Variants in LIPF observed in about 807,000 individuals in gnomAD.
LIPF encodes lipase F, gastric type, also known as gastric triacylglycerol lipase.
LIPF carries 25 observed loss-of-function variants against 38.0 expected under a neutral mutation model. The observed-to-expected ratio is 0.66, with a 90% CI of 0.48 to 0.92. The LOEUF (loss-of-function observed/expected upper bound fraction) is 0.92, where lower values mean the gene tolerates loss of function less well. LIPF is among the 40% of genes least tolerant of loss of function. The pLI is 0.00. For missense variants in LIPF, 410 were observed against 469.9 expected (o/e 0.87, Z 1.18); for synonymous variants, 161 against 156.2 (o/e 1.03, Z -0.23).
chr10:88,669,595 C>A, intron 4 of LIPF: 1 of 323,350 alleles, frequency 3.1e-6, no homozygotes, highest in South Asian at 6.3e-5. Flanking sequence ...ATAATTCCCA[C>A]CTACAGATAC....
rs1564959008 is a variant in LIPF, at chr10:88,671,817, G to A, written c.533-12G>A. 1 of 1,605,934 alleles carries A rather than the reference G, an allele frequency of 6.2e-7. No homozygotes were observed. Among genetic ancestry groups the A allele is most frequent in the East Asian group, 2.2e-5 (1 of 44,760 alleles). ...CACACACCTTTTTCACCAGTTCCTT[G>A]TTCTTTTTCAGGTTTTATTGCCTTT... On this transcript the variant is annotated splice_polypyrimidine_tract_variant and intron_variant, in intron 5 of 9. Transcript: ENST00000238983.
chr10:88,677,330 T>A (rs1841704125), intron 9 of LIPF, among the ~76,000 whole-genome samples: 1 of 152,164 alleles, frequency 6.6e-6, no homozygotes, highest in African/African-American at 2.4e-5. Flanking sequence ...ACTCTAATAC[T>A]CATAATCAGA....
rs776709271 is a variant in LIPF, at chr10:88,671,812, T to G, written c.533-17T>G. ...ACACACACACACCTTTTTCACCAGT[T>G]CCTTGTTCTTTTTCAGGTTTTATTG... On this transcript the variant is annotated splice_polypyrimidine_tract_variant and intron_variant, in intron 5 of 9. Transcript: ENST00000238983. 6.2e-7 allele frequency: 1 copy of G among 1,605,278 alleles called. No homozygotes were observed.
rs114486009 is a variant in LIPF at position 88,677,072 on chromosome 10, A to G, written c.960+792A>G. 2.4e-3 allele frequency among the ~76,000 whole-genome samples: 360 copies of G among 152,298 alleles called. 4 individuals are homozygous for G. Among genetic ancestry groups the G allele is most frequent in the African/African-American group, 8.1e-3 (337 of 41,558 alleles). On this transcript the variant is annotated intron_variant, in intron 9 of 9. Coordinates refer to ENST00000238983, the MANE Select transcript of LIPF (RefSeq NM_004190.4). ...CATCCAATTTTTCCATCCAAGTAGT[A>G]GCTGAACAACTCTACTAATTTTCAT...
At chr10:88,678,398 TA>T (rs1314028309) in intron 9 of LIPF, 46 bp from the exon 10 acceptor site, 5 of 1,356,232 alleles carry the variant, frequency 3.7e-6, no homozygotes, top group Non-Finnish European at 3.2e-6. Context: ...GTACTGGGTT[TA>T]AAGTGTGGTT....
chr10:88,676,338 A>G, intron 9 of LIPF, 58 bp downstream of exon 9: 12 of 1,046,154 alleles, frequency 1.1e-5, no homozygotes, highest in Non-Finnish European at 1.7e-5. Flanking sequence ...AACTATTTAA[A>G]TGTTAAAGAA....
rs1460627481 is a variant in LIPF at position 88,674,762 on chromosome 10, A to G, written c.817-824A>G. On this transcript the variant is annotated intron_variant, in intron 7 of 9. Coordinates refer to ENST00000238983, the MANE Select transcript of LIPF (RefSeq NM_004190.4). ...TTTCTACTACTATTCATAGACAACT[A>G]TCTCCCCTCCAAATTGTCACTTTAG... is the stretch of plus-strand genomic sequence containing the variant. Among the ~76,000 whole-genome samples, 5 of 152,312 alleles carry G rather than the reference A, an allele frequency of 3.3e-5. No homozygotes were observed. The East Asian group carries it at 9.7e-4, about 29-fold the overall frequency.
rs1841675082 is a variant in LIPF at position 88,675,633 on chromosome 10, T to C, written c.864T>C (p.Val288=). The change falls in exon 8 of 10, where the codon GTT becomes GTC. Residue 288 remains valine (V), a synonymous_variant. Coordinates refer to ENST00000238983, the MANE Select transcript of LIPF (RefSeq NM_004190.4). ...YLSHNPAGTS[V]QNMFHWTQAV... Reference sequence around the variant, plus strand: ...CACATAATCCAGCAGGAACTTCTGTTCAAAACATGTTCCATTGGACCCAGG... The same window carrying C: ...CACATAATCCAGCAGGAACTTCTGTCCAAAACATGTTCCATTGGACCCAGG... The C allele has an allele frequency of 1.2e-6, 2 of 1,612,528 alleles. No homozygotes were observed. Among genetic ancestry groups the C allele is most frequent in the Admixed American group, 1.7e-5 (1 of 59,992 alleles).
In LIPF at chr10:88,667,683, A is replaced by G. The variant is rs1841534017; in HGVS notation, c.220A>G (p.Thr74Ala). 5 of 1,272,092 alleles carry G rather than the reference A, an allele frequency of 3.9e-6. No homozygotes were observed. Among genetic ancestry groups the G allele is most frequent in the Non-Finnish European group, 5.7e-6 (5 of 871,930 alleles). 78.8% of individuals were successfully genotyped at this position (1,272,092 alleles called of 1,614,324 possible). A position where few individuals can be genotyped will look rare whatever the true frequency, so the allele number is the denominator to read the frequency against. ...IPYGKKNSGN[T>A]GQRPVVFLQH... is the part of the protein sequence containing the mutation. ...TTATGGGAAGAAAAATTCAGGGAAT[A>G]CAGGTATATATAAGCTTCTTTTCTT... Residue 74 changes from threonine (T) to alanine (A), a missense_variant, in exon 3 of 10, where the codon ACA (threonine) becomes GCA (alanine). Transcript: ENST00000238983.
At chr10:88,670,965 A>G (rs969454644) in intron 5 of LIPF, among the ~76,000 whole-genome samples, 1 of 152,118 alleles carries the variant, frequency 6.6e-6, no homozygotes, top group African/African-American at 2.4e-5. Context: ...GAACCAGACT[A>G]CATATTATAT....
chr10:88,666,226 G>T (rs1297403635), intron 1 of LIPF, among the ~76,000 whole-genome samples: 2 of 152,128 alleles, frequency 1.3e-5, no homozygotes, highest in Non-Finnish European at 2.9e-5. Flanking sequence ...CAGCAACTGG[G>T]AAGTCACCAC....
chr10:88,670,803 G>T (rs1037747813), intron 5 of LIPF, among the ~76,000 whole-genome samples: 1 of 152,100 alleles, frequency 6.6e-6, no homozygotes, highest in Non-Finnish European at 1.5e-5. Flanking sequence ...TTGAATCGAA[G>T]AGTTACATGA....
Position 88,668,598 on chromosome 10 carries a change from A to G in LIPF, c.264A>G (p.Ala88=), listed in dbSNP as rs990874695. ...PVVFLQHGLL[A]SATNWISNLP... ...TGTTTTTGCAGCATGGTTTGCTTGC[A>G]TCAGCCACAAACTGGATTTCCAACC... Residue 88 remains alanine (A), a synonymous_variant, in exon 4 of 10, where the codon GCA becomes GCG. Transcript: ENST00000238983. The G allele has an allele frequency of 6.2e-6, 10 of 1,614,210 alleles. No individual in the cohort carries two copies. Among genetic ancestry groups the G allele is most frequent in the Non-Finnish European group, 8.5e-6 (10 of 1,180,020 alleles).
At chr10:88,671,113 C>T (rs778170680) in intron 5 of LIPF, among the ~76,000 whole-genome samples, 9 of 152,192 alleles carry the variant, frequency 5.9e-5, no homozygotes, top group African/African-American at 2.2e-4. Context: ...ACATCCTCAT[C>T]TGCCAGTATA....
rs1841526246 is a variant in LIPF at position 88,667,324 on chromosome 10, T to G, written c.27T>G (p.Ser9Arg). Reference protein sequence around the residue: MWLLLTMASLISVLGTTHG... With the variant: MWLLLTMARLISVLGTTHG... ...TGTGGCTGCTTTTAACAATGGCAAG[T>G]TTGATATCTGTACTGGGGACTACAC... Residue 9 changes from serine (S) to arginine (R), a missense_variant, in exon 2 of 10, where the codon AGT becomes AGG. Physicochemically the swap from Ser to Arg is moderately radical, Grantham distance 110. Coordinates refer to ENST00000238983, the MANE Select transcript of LIPF (RefSeq NM_004190.4). 6.2e-7 allele frequency: 1 copy of G among 1,613,154 alleles called. No homozygotes were observed. The highest frequency in any genetic ancestry group is 1.3e-5 in the African/African-American group (1 of 75,010).
chr10:88,667,721 T>A (rs1271971579), intron 3 of LIPF, 35 bp downstream of exon 3: 1 of 880,712 alleles, frequency 1.1e-6, no homozygotes, highest in African/African-American at 1.7e-5. Context: ...TTCCTTTCTC[T>A]CTTTTTTCCT....
In LIPF at chr10:88,676,283, A is replaced by G; in HGVS notation, c.960+3A>G. ...AGAATAGGATGCACTATGATCAGGT[A>G]AGCTTCTTAAAGATGGAATTATTCA... On this transcript the variant is annotated splice_donor_region_variant and intron_variant, in intron 9 of 9. Transcript: ENST00000238983. 1 of 1,560,894 alleles carries G rather than the reference A, an allele frequency of 6.4e-7. No homozygotes were observed. Among genetic ancestry groups the G allele is most frequent in the East Asian group, 2.3e-5 (1 of 44,348 alleles).
At chr10:88,674,399 A>T (rs892038703) in intron 7 of LIPF, among the ~76,000 whole-genome samples, 8 of 151,318 alleles carry the variant, frequency 5.3e-5, no homozygotes, top group African/African-American at 1.9e-4. Context: ...CAATTTCCTG[A>T]CCTCATGATC....
At chr10:88,672,664 ACACACACT>A (rs1448156150) in intron 6 of LIPF, among the ~76,000 whole-genome samples, 2,444 of 122,970 alleles carry the variant, frequency 0.02, 25 homozygotes, top group South Asian at 0.07. Context: ...ACACACACAC[ACACACACT>A]CTCTCTCTCT....
Sources: allele counts gnomAD v4.1 joint callset (sites outside exome capture counted in the v4.1 genomes callset), GRCh38; gene constraint gnomAD v4.1.1; transcripts MANE v1.5; gene names NCBI Gene and HGNC (gene_info 2026-07-23, HGNC 2026-07-21).